Variants in ABHD14A observed in about 807,000 individuals in gnomAD.
The protein encoded by ABHD14A is abhydrolase domain containing 14A.
A neutral mutation model predicts 27.0 loss-of-function variants in ABHD14A; 19 were observed. The ratio of observed to expected loss-of-function variants is 0.70; its 90% CI spans 0.49 to 1.03. The LOEUF is 1.03. ABHD14A is among the 50% of genes least tolerant of loss of function. ABHD14A has a pLI of 0.00. For missense variants in ABHD14A, 311 were observed against 344.6 expected (o/e 0.90, Z 0.77); for synonymous variants, 148 against 158.8 (o/e 0.93, Z 0.51).
chr3:51,978,961 C>A, intron 3 of ABHD14A: 1 of 282,430 alleles, frequency 3.5e-6, no homozygotes, highest in Non-Finnish European at 7.6e-6. Context: ...TTTATGCTAT[C>A]ATTCTTGTCA....
At chr3:51,976,095 G>A (rs1446365632) in intron 1 of ABHD14A, among the ~76,000 whole-genome samples, 2 of 152,372 alleles carry the variant, frequency 1.3e-5, no homozygotes, top group East Asian at 3.9e-4. Flanking sequence ...TGGGCAGCAA[G>A]GAAATGTCCC....
Position 51,975,070 on chromosome 3 carries a change from G to A in ABHD14A, c.-66G>A, listed in dbSNP as rs867234628. On this transcript the variant is annotated 5_prime_UTR_variant, in exon 1 of 5. Coordinates refer to ENST00000273596, the MANE Select transcript of ABHD14A (RefSeq NM_015407.5). ...GCCCGCGGCTGCGGAGTGCGCAGGC[G>A]CGCCGAGATGGCCGCGCTCCTGGCC... 7.9e-7 allele frequency: 1 copy of A among 1,267,106 alleles called. No individual in the cohort carries two copies. Among genetic ancestry groups the A allele is most frequent in the Middle Eastern group, 2.8e-4 (1 of 3,516 alleles). The allele number at this position is 1,267,106 out of a possible 1,614,324, so 78.5% of individuals were successfully genotyped here. A position where few individuals can be genotyped will look rare whatever the true frequency, so the allele number is the denominator to read the frequency against.
chr3:51,980,355 C>T (rs528621911), intron 3 of ABHD14A, 38 bp from the exon 4 acceptor site: 1 of 1,600,620 alleles, frequency 6.2e-7, no homozygotes, highest in South Asian at 1.1e-5. Context: ...TGTGCCCCTT[C>T]CCAGTGCCCC....
At position 51,977,968 on chromosome 3, in the gene ABHD14A, CT is replaced by C. The variant is rs776426753; in HGVS notation, c.168del (p.Glu57SerfsTer112). On this transcript the variant is annotated frameshift_variant, in exon 2 of 5. Coordinates refer to ENST00000273596, the MANE Select transcript of ABHD14A (RefSeq NM_015407.5). LOFTEE classifies it high-confidence loss of function. Reference sequence around the variant, plus strand: ...CTGTATGTGGGGCTGCCAGGCCCCCCTGAGCAGACTTCCTGCCTCTGGGGAG... The same window carrying C: ...CTGTATGTGGGGCTGCCAGGCCCCCCGAGCAGACTTCCTGCCTCTGGGGAG... Reference protein sequence around the residue: ...LLLYVGLPGPPEQTSCLWGDP... With the variant: ...LLLYVGLPGPXEQTSCLWGDP... 4 of 1,614,126 alleles carry C rather than the reference CT, an allele frequency of 2.5e-6. No homozygotes were observed. Among genetic ancestry groups the C allele is most frequent in the South Asian group, 2.2e-5 (2 of 91,088 alleles).
Position 51,975,086 on chromosome 3 carries a change from G to T in ABHD14A, c.-50G>T. The T allele has an allele frequency of 7.9e-7, 1 of 1,272,124 alleles. No homozygotes were observed. The highest frequency in any genetic ancestry group is 2.6e-5 in the South Asian group (1 of 38,816). 78.8% of individuals were successfully genotyped at this position (1,272,124 alleles called of 1,614,324 possible). On this transcript the variant is annotated 5_prime_UTR_variant, in exon 1 of 5. Coordinates refer to ENST00000273596, the MANE Select transcript of ABHD14A (RefSeq NM_015407.5). ...TGCGCAGGCGCGCCGAGATGGCCGCGCTCCTGGCCGCCTAGAGCCGGAGCG... is the reference window on the plus strand; with the variant it reads ...TGCGCAGGCGCGCCGAGATGGCCGCTCTCCTGGCCGCCTAGAGCCGGAGCG...
chr3:51,977,802 TG>T, intron 1 of ABHD14A, 68 bp from the exon 2 acceptor site: 1 of 1,434,122 alleles, frequency 7.0e-7, no homozygotes. Flanking sequence ...GGTGGGGTTT[TG>T]GGATGGGATC....
At chr3:51,977,172 C>T (rs1197939958) in intron 1 of ABHD14A, among the ~76,000 whole-genome samples, 1 of 152,166 alleles carries the variant, frequency 6.6e-6, no homozygotes, top group Non-Finnish European at 1.5e-5. Flanking sequence ...AGTTATAATG[C>T]GATTGTAAAA....
intron 1 of ABHD14A, among the ~76,000 whole-genome samples, chr3:51,976,653 C>T (rs1352410730): frequency 6.6e-6 from 1 of 152,078 alleles, no homozygotes; most frequent in South Asian, 2.1e-4. Flanking sequence ...CTAGCCTGGG[C>T]GACAGAGCAA....
At position 51,981,192 on chromosome 3, in the gene ABHD14A, G is replaced by A. The variant is rs1470602713; in HGVS notation, c.*174G>A. Reference sequence around the variant, plus strand: ...ATAAAAAAGCATATTTGTCCTGCCTGGGAAGTGACAGGTTCCGTTTCCTGG... The same window carrying A: ...ATAAAAAAGCATATTTGTCCTGCCTAGGAAGTGACAGGTTCCGTTTCCTGG... On this transcript the variant is annotated 3_prime_UTR_variant, in exon 5 of 5. Coordinates refer to ENST00000273596, the MANE Select transcript of ABHD14A (RefSeq NM_015407.5). 1 of 701,570 alleles carries A rather than the reference G, an allele frequency of 1.4e-6. No homozygotes were observed. Among genetic ancestry groups the A allele is most frequent in the Non-Finnish European group, 2.3e-6 (1 of 441,528 alleles). 43.5% of individuals were successfully genotyped at this position (701,570 alleles called of 1,614,324 possible). A position where few individuals can be genotyped will look rare whatever the true frequency, so the allele number is the denominator to read the frequency against.
chr3:51,975,258 T>C, intron 1 of ABHD14A, 54 bp downstream of exon 1: 1 of 1,234,674 alleles, frequency 8.1e-7, no homozygotes, highest in Non-Finnish European at 1.0e-6. Context: ...GGGCCGTCTT[T>C]ACCCCGCCCC....
In ABHD14A at chr3:51,977,866, T is replaced by A; in HGVS notation, c.70-5T>A. 1 of 1,608,404 alleles carries A rather than the reference T, an allele frequency of 6.2e-7. No homozygotes were observed. The highest frequency in any genetic ancestry group is 1.1e-5 in the South Asian group (1 of 91,016). On this transcript the variant is annotated splice_polypyrimidine_tract_variant and splice_region_variant and intron_variant, in intron 1 of 4. Coordinates refer to ENST00000273596, the MANE Select transcript of ABHD14A (RefSeq NM_015407.5). Reference sequence around the variant, plus strand: ...GCCTCTTTTCCCTCTCCTCTCCCTCTCCAGACTGTGGTACAGACCTCCATG... The same window carrying A: ...GCCTCTTTTCCCTCTCCTCTCCCTCACCAGACTGTGGTACAGACCTCCATG...
rs1208536587 is a variant in ABHD14A, at chr3:51,975,205, G to A, written c.69+1G>A. On this transcript the variant is annotated splice_donor_variant, in intron 1 of 4. Coordinates refer to ENST00000273596, the MANE Select transcript of ABHD14A (RefSeq NM_015407.5). LOFTEE classifies it high-confidence loss of function. ...CCGCCCGCTCATCCCGTTGGGCCCG[G>A]TGAGTCTCCCGGGGGAGGGAGGCCG... 1 of 1,262,652 alleles carries A rather than the reference G, an allele frequency of 7.9e-7. No homozygotes were observed. The highest frequency in any genetic ancestry group is 1.0e-6 in the Non-Finnish European group (1 of 1,003,528). The allele number at this position is 1,262,652 out of a possible 1,614,324, so 78.2% of individuals were successfully genotyped here.
chr3:51,980,824 C>G lies in ABHD14A; in HGVS notation c.634-12C>G. The G allele has an allele frequency of 1.2e-6, 2 of 1,604,730 alleles. No homozygotes were observed. The highest frequency in any genetic ancestry group is 1.7e-6 in the Non-Finnish European group (2 of 1,172,430). On this transcript the variant is annotated splice_polypyrimidine_tract_variant and intron_variant, in intron 4 of 4. Coordinates refer to ENST00000273596, the MANE Select transcript of ABHD14A (RefSeq NM_015407.5). ...AGGCCCCAAGATCACAGCCCCCTGC[C>G]TTGCCCTGCAGACTCCAACCCTTAT...
At position 51,980,965 on chromosome 3, in the gene ABHD14A, A is replaced by G. The variant is rs1166982469; in HGVS notation, c.763A>G (p.Lys255Glu). The G allele has an allele frequency of 1.9e-6, 3 of 1,613,894 alleles. No individual in the cohort carries two copies. The highest frequency in any genetic ancestry group is 2.2e-5 in the East Asian group (1 of 44,884). Residue 255 changes from lysine (K) to glutamate (E), a missense_variant, in exon 5 of 5, where the codon AAG (lysine) becomes GAG (glutamate). Transcript: ENST00000273596. Reference protein sequence around the residue: ...RNAGHACYLHKPQDFHLVLLA... With the variant: ...RNAGHACYLHEPQDFHLVLLA... Reference sequence around the variant, plus strand: ...TGCAGGCCATGCCTGTTACCTCCACAAGCCGCAAGACTTCCACCTTGTCCT... The same window carrying G: ...TGCAGGCCATGCCTGTTACCTCCACGAGCCGCAAGACTTCCACCTTGTCCT...
chr3:51,976,783 G>A (rs1324312283), intron 1 of ABHD14A, among the ~76,000 whole-genome samples: 8 of 152,202 alleles, frequency 5.3e-5, no homozygotes, highest in Admixed American at 1.3e-4. Context: ...CCAGTCCACG[G>A]TATTATCTAA....
intron 1 of ABHD14A, among the ~76,000 whole-genome samples, chr3:51,976,463 C>T (rs1244685264): frequency 6.6e-6 from 1 of 152,146 alleles, no homozygotes; most frequent in Non-Finnish European, 1.5e-5. Flanking sequence ...AAACACGAGG[C>T]CAGCAGTTCG....
At chr3:51,975,583 T>TTG (rs147776002) in intron 1 of ABHD14A, among the ~76,000 whole-genome samples, 12 of 151,812 alleles carry the variant, frequency 7.9e-5, no homozygotes, top group East Asian at 1.9e-4. Flanking sequence ...TTCTGGGGGT[T>TTG]TGTGTGTGTG....
intron 1 of ABHD14A, 102 bp from the exon 2 acceptor site, chr3:51,977,769 C>A: frequency 8.9e-7 from 1 of 1,118,258 alleles, no homozygotes; most frequent in Non-Finnish European, 1.3e-6. Flanking sequence ...AGGGCTGGAG[C>A]TCTTCCTCTG....
rs761178495 is a variant in ABHD14A at position 51,975,113 on chromosome 3, C to T, written c.-23C>T. The stretch of plus-strand genomic sequence containing the variant: ...TCCTGGCCGCCTAGAGCCGGAGCGG[C>T]CCGCGGAGCTGCGGAGGCAGCCATG... On this transcript the variant is annotated 5_prime_UTR_variant, in exon 1 of 5. Coordinates refer to ENST00000273596, the MANE Select transcript of ABHD14A (RefSeq NM_015407.5). 1.3e-5 allele frequency: 17 copies of T among 1,291,112 alleles called. No homozygotes were observed. The highest frequency in any genetic ancestry group is 8.3e-5 in the Admixed American group (2 of 24,010). 80.0% of individuals were successfully genotyped at this position (1,291,112 alleles called of 1,614,324 possible).
Sources: allele counts gnomAD v4.1 joint callset (sites outside exome capture counted in the v4.1 genomes callset), GRCh38; gene constraint gnomAD v4.1.1; transcripts MANE v1.5; gene names NCBI Gene and HGNC (gene_info 2026-07-23, HGNC 2026-07-21).